The following OTC variants were observed in gnomAD, a reference collection of about 807,000 sequenced individuals.
OTC encodes ornithine transcarbamylase.
A neutral mutation model predicts 30.3 loss-of-function variants in OTC; 3 were observed. The observed-to-expected ratio is 0.10, with a 90% CI of 0.05 to 0.26. OTC has a LOEUF of 0.26. Ranked by LOEUF, OTC falls within the 10% of genes least tolerant of loss-of-function variation. The probability of loss-of-function intolerance (pLI) is 1.00; values close to 1 mark genes in which losing one functional copy is unlikely to be tolerated. For synonymous variants in OTC, 111 were observed against 99.7 expected, an observed-to-expected ratio of 1.11 and a Z score of -0.67; for missense variants, 194 against 260.3, an observed-to-expected ratio of 0.75 and a Z score of 1.75.
chrX:38,414,013 A>G (rs892479376), intron 9 of OTC, among the ~76,000 whole-genome samples: 8 of 111,366 alleles, frequency 7.2e-5, no homozygotes, highest in African/African-American at 2.6e-4. Context: ...AGGTGCCACC[A>G]TCCTGCAGAC....
chrX:38,401,487 A>G (rs1312947443), intron 5 of OTC, 59 bp downstream of exon 5: 45 of 931,279 alleles, frequency 4.8e-5, no homozygotes, highest in Non-Finnish European at 4.7e-6. Context: ...GACTTGCTTT[A>G]AGTGAAACAG....
chrX:38,331,442 GT>G, the OTC span, among the ~76,000 whole-genome samples: 3,932 of 37,597 alleles, frequency 0.1, 231 homozygotes, highest in African/African-American at 0.24. Flanking sequence ...TTTTTTTTTT[GT>G]TTTTTTTTTT....
intron 4 of OTC, among the ~76,000 whole-genome samples, chrX:38,391,163 A>G (rs2068427053): frequency 9.1e-6 from 1 of 110,168 alleles, no homozygotes; most frequent in Non-Finnish European, 1.9e-5. Flanking sequence ...CAAACACCGC[A>G]TGTTCTCATT....
chrX:38,359,726 G>A (rs779139200), intron 1 of OTC, among the ~76,000 whole-genome samples: 73 of 110,383 alleles, frequency 6.6e-4, no homozygotes, highest in South Asian at 1.2e-3. Flanking sequence ...CGGCTGAAGT[G>A]ATGTTTTTTA....
chrX:38,337,673 T>C, the OTC span, among the ~76,000 whole-genome samples: 2 of 112,019 alleles, frequency 1.8e-5, no homozygotes. Context: ...AATTGTTGGA[T>C]CCAGACCAAT....
At chrX:38,377,825 T>C (rs1489077364) in intron 3 of OTC, among the ~76,000 whole-genome samples, 1 of 111,473 alleles carries the variant, frequency 9.0e-6, no homozygotes, top group Non-Finnish European at 1.9e-5. Flanking sequence ...CACTACCTTC[T>C]TGTTGTCTCT....
the OTC span, among the ~76,000 whole-genome samples, chrX:38,330,360 A>G: frequency 3.6e-5 from 4 of 112,300 alleles, no homozygotes; most frequent in South Asian, 1.5e-3. Context: ...AGTGTACGAT[A>G]ATAAATGGGT....
intron 8 of OTC, among the ~76,000 whole-genome samples, chrX:38,411,510 A>T (rs1237118322): frequency 1.8e-5 from 2 of 110,476 alleles, no homozygotes; most frequent in Non-Finnish European, 3.8e-5. Context: ...TACTAAAAAT[A>T]CAAAAATTCA....
At chrX:38,344,804 T>C in the OTC span, among the ~76,000 whole-genome samples, 2 of 111,057 alleles carry the variant, frequency 1.8e-5, no homozygotes, top group Non-Finnish European at 3.8e-5. Flanking sequence ...GGAAAACACA[T>C]TTGCAAGTTA....
chrX:38,341,236 C>T, the OTC span, among the ~76,000 whole-genome samples: 2 of 112,122 alleles, frequency 1.8e-5, no homozygotes, highest in African/African-American at 6.5e-5. Context: ...TTCTCTCTGT[C>T]TAGTTTCCTA....
At position 38,401,276 on chromosome X, in the gene OTC, G is replaced by A; in HGVS notation, c.388G>A (p.Val130Ile). The A allele has an allele frequency of 8.3e-7, 1 of 1,200,230 alleles. No homozygotes were observed. Among genetic ancestry groups the A allele is most frequent in the East Asian group, 3.0e-5 (1 of 33,756 alleles). Residue 130 changes from valine to isoleucine, a missense_variant and splice_region_variant, in exon 5 of 10, where the codon GTA (valine) becomes ATA (isoleucine). Val to Ile is a conservative substitution (Grantham distance 29, BLOSUM62 3). Transcript: ENST00000039007. ...VNESLTDTAR[V>I]LSSMADAVLA... is the part of the protein sequence containing the mutation. ...TATCTTTTTCTTGGTTTGCCACAGT[G>A]TATTGTCTAGCATGGCAGATGCAGT...
intron 6 of OTC, among the ~76,000 whole-genome samples, chrX:38,407,549 T>C (rs2068521528): frequency 9.0e-6 from 1 of 111,180 alleles, no homozygotes; most frequent in Non-Finnish European, 1.9e-5. Context: ...AAGACTTCCA[T>C]ATGGAGGGTC....
At chrX:38,371,729 C>T (rs778491782) in intron 3 of OTC, among the ~76,000 whole-genome samples, 6 of 111,238 alleles carry the variant, frequency 5.4e-5, no homozygotes, top group South Asian at 3.8e-4. Context: ...GGAAGGAGGA[C>T]GAGGGAAATA....
chrX:38,327,796 C>A, the OTC span, among the ~76,000 whole-genome samples: 663 of 113,059 alleles, frequency 5.9e-3, 5 homozygotes, highest in African/African-American at 0.02. Context: ...TCACAAATCC[C>A]ATACTCCGTG....
upstream of OTC, among the ~76,000 whole-genome samples, chrX:38,352,332 G>A (rs5963030): frequency 0.13 from 14,890 of 111,471 alleles, 807 homozygotes; most frequent in Non-Finnish European, 0.17. Context: ...CACCTTCACA[G>A]CAGCCGGTAC....
intron 4 of OTC, among the ~76,000 whole-genome samples, chrX:38,400,781 A>T (rs1281927378): frequency 1.8e-5 from 2 of 112,747 alleles, no homozygotes; most frequent in African/African-American, 6.4e-5. Context: ...TAGCAGCTAG[A>T]GTGTCAGCCA....
At chrX:38,332,282 G>A in the OTC span, among the ~76,000 whole-genome samples, 3,413 of 107,253 alleles carry the variant, frequency 0.032, 95 homozygotes, top group African/African-American at 0.09. Context: ...ACATAAATTT[G>A]TATATTTAGT....
At chrX:38,370,228 G>C (rs2068317066) in intron 3 of OTC, among the ~76,000 whole-genome samples, 1 of 112,262 alleles carries the variant, frequency 8.9e-6, no homozygotes, top group Admixed American at 9.4e-5. Flanking sequence ...ATTTCCTTGT[G>C]TGTCTCAATT....
At chrX:38,359,193 T>A (rs1286216524) in intron 1 of OTC, among the ~76,000 whole-genome samples, 1 of 111,600 alleles carries the variant, frequency 9.0e-6, no homozygotes, top group Admixed American at 9.5e-5. Context: ...GGCCCTTGAC[T>A]CATAGTGCTG....
Sources: allele counts gnomAD v4.1 joint callset (sites outside exome capture counted in the v4.1 genomes callset), GRCh38; gene constraint gnomAD v4.1.1; transcripts MANE v1.5; gene names NCBI Gene and HGNC (gene_info 2026-07-23, HGNC 2026-07-21).